SLIT3: variants seen among roughly 807,000 people sequenced by gnomAD.
SLIT3 encodes slit homolog 3 protein.
Under a neutral mutation model 184.0 loss-of-function variants are expected in SLIT3, and 68 were observed. The observed-to-expected ratio is 0.37, with a 90% CI of 0.30 to 0.45. The LOEUF is 0.45. Ranked by LOEUF, SLIT3 falls within the 20% of genes least tolerant of loss-of-function variation. The pLI is 1.00. For missense variants in SLIT3, 1,707 were observed against 2,026.0 expected (o/e 0.84, Z 3.02); for synonymous variants, 831 against 828.6 (o/e 1.00, Z -0.05).
At chr5:168,788,219 T>G (rs1024357832) in intron 11 of SLIT3, among the ~76,000 whole-genome samples, 1 of 152,140 alleles carries the variant, frequency 6.6e-6, no homozygotes, top group Non-Finnish European at 1.5e-5. Context: ...TTCTCCTCTG[T>G]GATCTTCAGC....
At chr5:168,739,233 T>C (rs570525425) in intron 20 of SLIT3, among the ~76,000 whole-genome samples, 1 of 152,298 alleles carries the variant, frequency 6.6e-6, no homozygotes, top group African/African-American at 2.4e-5. Context: ...GAAAGTTCCA[T>C]TCAAAGCGTA....
intron 4 of SLIT3, among the ~76,000 whole-genome samples, chr5:169,167,503 C>T (rs1056654650): frequency 2.0e-5 from 3 of 151,846 alleles, no homozygotes; most frequent in African/African-American, 7.3e-5. Flanking sequence ...GTCTCGATCT[C>T]CTGACCTCGT....
At chr5:168,830,556 A>G (rs775015534) in intron 6 of SLIT3, among the ~76,000 whole-genome samples, 2 of 152,250 alleles carry the variant, frequency 1.3e-5, no homozygotes, top group African/African-American at 2.4e-5. Flanking sequence ...CAGTAAAGGT[A>G]TCTATGATGT....
chr5:168,897,646 G>GCGCGCACACACACACACACACACACACA, intron 4 of SLIT3, among the ~76,000 whole-genome samples: 7 of 105,446 alleles, frequency 6.6e-5, no homozygotes, highest in African/African-American at 2.9e-4. Context: ...ACAGGTGCAC[G>GCGCGCACACACACACACACACACACACA]TACACACACA....
intron 4 of SLIT3, among the ~76,000 whole-genome samples, chr5:168,897,425 G>A (rs554254918): frequency 1.3e-5 from 2 of 152,104 alleles, no homozygotes; most frequent in Non-Finnish European, 2.9e-5. Context: ...ATGAGAGAGA[G>A]AGAGAGACAG....
At chr5:169,186,885 G>A (rs150662456) in intron 4 of SLIT3, among the ~76,000 whole-genome samples, 155 of 151,964 alleles carry the variant, frequency 1.0e-3, no homozygotes, top group African/African-American at 3.5e-3. Flanking sequence ...TGATAACAGC[G>A]CCAGTGACTT....
At chr5:169,279,534 C>T (rs1345193503) in intron 1 of SLIT3, among the ~76,000 whole-genome samples, 1 of 152,154 alleles carries the variant, frequency 6.6e-6, no homozygotes. Flanking sequence ...GATGAACTCT[C>T]TGAAATTACT....
At chr5:168,844,731 G>C in intron 5 of SLIT3, 76 bp from the exon 6 acceptor site, 3 of 1,387,020 alleles carry the variant, frequency 2.2e-6, no homozygotes, top group South Asian at 2.3e-5. Flanking sequence ...CCACCCGAGC[G>C]CCTGTCCCTC....
At chr5:168,924,281 TCCAGGGCACTCCTAGC>T (rs1157639129) in intron 4 of SLIT3, among the ~76,000 whole-genome samples, 1 of 152,170 alleles carries the variant, frequency 6.6e-6, no homozygotes, top group Non-Finnish European at 1.5e-5. Flanking sequence ...ACTTTTGGGA[TCCAGGGCACTCCTAGC>T]CCCCAGTCTT....
At chr5:169,250,264 C>T (rs1765726860) in intron 2 of SLIT3, among the ~76,000 whole-genome samples, 1 of 152,178 alleles carries the variant, frequency 6.6e-6, no homozygotes, top group Non-Finnish European at 1.5e-5. Context: ...TCATATCCAT[C>T]ATCATTATTA....
intron 6 of SLIT3, among the ~76,000 whole-genome samples, chr5:168,840,627 T>C (rs1443137040): frequency 6.6e-6 from 1 of 152,156 alleles, no homozygotes; most frequent in Non-Finnish European, 1.5e-5. Flanking sequence ...AACTGCAGTA[T>C]AAGCACGACT....
intron 5 of SLIT3, among the ~76,000 whole-genome samples, chr5:168,871,185 C>T (rs1208718885): frequency 6.6e-6 from 1 of 152,206 alleles, no homozygotes; most frequent in African/African-American, 2.4e-5. Context: ...TTTTCTCTCT[C>T]TCTGCTTCCA....
chr5:169,298,764 G>C lies in SLIT3; in HGVS notation c.197+1749C>G, dbSNP rs1767592181. Reference sequence around the variant, plus strand: ...GATCCAAACACTTCACTAGCTGCACGACCTTGAGTAAATGACAAGATGGCT... The same window carrying C: ...GATCCAAACACTTCACTAGCTGCACCACCTTGAGTAAATGACAAGATGGCT... On this transcript the variant is annotated intron_variant, in intron 1 of 35. Coordinates refer to ENST00000519560, the MANE Select transcript of SLIT3 (RefSeq NM_003062.4). Among the ~76,000 whole-genome samples the C allele has an allele frequency of 2.6e-5, 4 of 152,300 alleles. No individual in the cohort carries two copies. The South Asian group carries it at 8.3e-4, about 32-fold the overall frequency.
chr5:169,114,413 G>A (rs1760568464), intron 4 of SLIT3, among the ~76,000 whole-genome samples: 1 of 152,212 alleles, frequency 6.6e-6, no homozygotes, highest in Non-Finnish European at 1.5e-5. Context: ...ACATAAGCAA[G>A]CAGCCTGGCT....
chr5:169,132,803 G>T (rs756285512), intron 4 of SLIT3, among the ~76,000 whole-genome samples: 1 of 113,614 alleles, frequency 8.8e-6, no homozygotes, highest in Non-Finnish European at 2.0e-5. Context: ...AGATTCCCGT[G>T]ATCTGTAATC....
At chr5:169,014,835 C>T (rs185986424) in intron 4 of SLIT3, among the ~76,000 whole-genome samples, 4 of 152,278 alleles carry the variant, frequency 2.6e-5, no homozygotes, top group East Asian at 3.9e-4. Context: ...CCTGTAGTCT[C>T]AGCTACTCAG....
At chr5:168,844,781 G>A (rs1156481362) in intron 5 of SLIT3, 126 bp from the exon 6 acceptor site, 6 of 739,042 alleles carry the variant, frequency 8.1e-6, no homozygotes, top group South Asian at 4.7e-5. Context: ...CCAGGAGCTC[G>A]TGCAGAGCCA....
rs115473017 is a variant in SLIT3, at chr5:169,263,607, C to T, written c.198-12148G>A. 1,918 of 482,300 alleles carry T rather than the reference C, an allele frequency of 4.0e-3. 38 individuals are homozygous for T. Among genetic ancestry groups the T allele is most frequent in the African/African-American group, 0.036 (1,687 of 47,100 alleles). 29.9% of individuals were successfully genotyped at this position (482,300 alleles called of 1,614,324 possible). ...GCACCCAGTTTGTGGTACATTGTTA[C>T]AGCAGCCCTAGCATACAGATACGCC... On this transcript the variant is annotated intron_variant, in intron 1 of 35. Transcript: ENST00000519560.
intron 4 of SLIT3, among the ~76,000 whole-genome samples, chr5:169,117,545 C>T (rs985908417): frequency 1.6e-4 from 24 of 152,156 alleles, no homozygotes; most frequent in Non-Finnish European, 3.2e-4. Flanking sequence ...GGAATTTGGA[C>T]ACGATGGCAG....
Sources: allele counts gnomAD v4.1 joint callset (sites outside exome capture counted in the v4.1 genomes callset), GRCh38; gene constraint gnomAD v4.1.1; transcripts MANE v1.5; gene names NCBI Gene and HGNC (gene_info 2026-07-23, HGNC 2026-07-21).